CEP89: variants seen among roughly 807,000 people sequenced by gnomAD.
CEP89 encodes centrosomal protein of 89 kDa.
A neutral mutation model predicts 97.6 loss-of-function variants in CEP89; 95 were observed. The ratio of observed to expected loss-of-function variants is 0.97; its 90% confidence interval spans 0.82 to 1.15. The LOEUF is 1.15. CEP89 is among the 50% of genes most tolerant of loss of function. The pLI, the probability that CEP89 is intolerant of heterozygous loss-of-function variation, is 0.00. For synonymous variants in CEP89, 354 were observed against 349.1 expected (o/e 1.01, Z -0.16); for missense variants, 869 against 947.7 (o/e 0.92, Z 1.09).
At chr19:32,934,900 G>T (rs1372606538) in intron 7 of CEP89, among the ~76,000 whole-genome samples, 1 of 152,178 alleles carries the variant, frequency 6.6e-6, no homozygotes, top group African/African-American at 2.4e-5. Flanking sequence ...CTTGCTTGAG[G>T]CCAGGAGTTC....
intron 14 of CEP89, among the ~76,000 whole-genome samples, chr19:32,914,118 A>G (rs1385741363): frequency 6.6e-6 from 1 of 152,118 alleles, no homozygotes; most frequent in Non-Finnish European, 1.5e-5. Flanking sequence ...GACCAGCCTG[A>G]GCAACATTGT....
intron 14 of CEP89, among the ~76,000 whole-genome samples, chr19:32,908,166 C>T (rs934423412): frequency 2.6e-5 from 4 of 152,138 alleles, no homozygotes; most frequent in Non-Finnish European, 5.9e-5. Context: ...AAGTGACACA[C>T]GATTGTGTTT....
At position 32,879,208 on chromosome 19, in the gene CEP89, C is replaced by A; in HGVS notation, c.2306G>T (p.Cys769Phe). 1 of 1,614,084 alleles carries A rather than the reference C, an allele frequency of 6.2e-7. No individual in the cohort carries two copies. Among genetic ancestry groups the A allele is most frequent in the South Asian group, 1.1e-5 (1 of 91,056 alleles). The change falls in exon 19 of 19, where the codon TGC becomes TTC. Residue 769 changes from cysteine (C) to phenylalanine (F), a missense_variant. Transcript: ENST00000305768. ...GVSQADLLDG[C>F]DVCSYDLKSH... ...CTTCAGGTCATAGGAGCAGACATCG[C>A]AGCCGTCCAGCAGGTCTGCCTGAGA...
chr19:32,937,774 C>G, intron 6 of CEP89, 101 bp from the exon 7 acceptor site: 1 of 788,198 alleles, frequency 1.3e-6, no homozygotes, highest in Non-Finnish European at 2.2e-6. Flanking sequence ...TATAAGCATG[C>G]TTTATTTCCT....
intron 8 of CEP89, among the ~76,000 whole-genome samples, chr19:32,932,143 T>C (rs954537442): frequency 8.0e-5 from 12 of 149,672 alleles, no homozygotes; most frequent in African/African-American, 3.0e-4. Flanking sequence ...ATCACGCCAC[T>C]GCACTCCAGC....
intron 3 of CEP89, among the ~76,000 whole-genome samples, chr19:32,956,132 T>C (rs1181200801): frequency 2.1e-5 from 3 of 143,660 alleles, no homozygotes; most frequent in Non-Finnish European, 4.5e-5. Context: ...CTTGGCTCAC[T>C]GCAAGCTCCA....
intron 17 of CEP89, among the ~76,000 whole-genome samples, chr19:32,887,116 G>A (rs1281389742): frequency 2.0e-5 from 3 of 151,534 alleles, no homozygotes; most frequent in Admixed American, 6.6e-5. Flanking sequence ...CACTGAGCCC[G>A]GGAGTTCGAG....
intron 16 of CEP89, among the ~76,000 whole-genome samples, chr19:32,889,312 G>A (rs1425398094): frequency 6.6e-6 from 1 of 152,154 alleles, no homozygotes; most frequent in Non-Finnish European, 1.5e-5. Flanking sequence ...CAGCTCCCAT[G>A]CCTCTCCCTG....
Position 32,931,480 on chromosome 19 carries a change from A to G in CEP89, c.978T>C (p.Asn326=). 6.3e-7 allele frequency: 1 copy of G among 1,596,218 alleles called. No individual in the cohort carries two copies. Among genetic ancestry groups the G allele is most frequent in the Non-Finnish European group, 8.5e-7 (1 of 1,176,164 alleles). Residue 326 remains asparagine, a synonymous_variant, in exon 9 of 19, where the codon AAT becomes AAC. Transcript: ENST00000305768. ...DGLKMTVHRL[N]VELSRYQTKF... is the part of the protein sequence containing the mutation. ...TTGTCTGATATCGACTGAGTTCTAC[A>G]TTCAAACGATGGACAGTCATTTTCA...
intron 16 of CEP89, among the ~76,000 whole-genome samples, chr19:32,899,131 A>ATTTCCTTTTTTT (rs377046778): frequency 7.0e-6 from 1 of 143,214 alleles, no homozygotes; most frequent in Non-Finnish European, 1.5e-5. Flanking sequence ...TTTAATTAGC[A>ATTTCCTTTTTTT]TTTTTTTTTT....
Position 32,923,426 on chromosome 19 carries a change from C to T in CEP89, c.1268+13G>A, listed in dbSNP as rs758522218. On this transcript the variant is annotated intron_variant, in intron 12 of 18. Transcript: ENST00000305768. ...TTAAATTAGCAAAAGAGCAGAAACA[C>T]AATGCCACTTGCCATTCCTCACTGG... The T allele has an allele frequency of 2.9e-6, 4 of 1,394,688 alleles. No homozygotes were observed. Among genetic ancestry groups the T allele is most frequent in the Middle Eastern group, 1.8e-4 (1 of 5,552 alleles). The allele number at this position is 1,394,688 out of a possible 1,614,324, so 86.4% of individuals were successfully genotyped here.
chr19:32,876,533 CTGCTG>C lies in CEP89; in HGVS notation c.*2624_*2628del, dbSNP rs2145860196. The C allele has an allele frequency of 6.5e-6, 1 of 154,300 alleles. No homozygotes were observed. Among genetic ancestry groups the C allele is most frequent in the East Asian group, 1.9e-4 (1 of 5,246 alleles). The allele number at this position is 154,300 out of a possible 1,614,324, so 9.6% of individuals were successfully genotyped here. A position where few individuals can be genotyped will look rare whatever the true frequency, so the allele number is the denominator to read the frequency against. ...AACCCCCTCCTGCTGCTCTGAGTGCCTGCTGTGCTCCTGGGGGCCCTCTCCACCCT... is the reference window on the plus strand; with the variant it reads ...AACCCCCTCCTGCTGCTCTGAGTGCCTGCTCCTGGGGGCCCTCTCCACCCT... On this transcript the variant is annotated 3_prime_UTR_variant, in exon 19 of 19. Coordinates refer to ENST00000305768, the MANE Select transcript of CEP89 (RefSeq NM_032816.5).
chr19:32,914,244 T>G (rs1970073043), intron 14 of CEP89, among the ~76,000 whole-genome samples: 1 of 152,110 alleles, frequency 6.6e-6, no homozygotes, highest in Non-Finnish European at 1.5e-5. Context: ...TTTAACTAAT[T>G]CCTTATTACT....
chr19:32,926,081 G>T, intron 11 of CEP89, 109 bp downstream of exon 11: 3 of 775,982 alleles, frequency 3.9e-6, no homozygotes, highest in African/African-American at 1.7e-5. Context: ...TAAACATTTG[G>T]TTATCTATAA....
At chr19:32,883,781 A>C (rs1969336626) in intron 17 of CEP89, among the ~76,000 whole-genome samples, 2 of 152,182 alleles carry the variant, frequency 1.3e-5, no homozygotes, top group Admixed American at 1.3e-4. Flanking sequence ...TTTTATATAT[A>C]TGTAAATATA....
At chr19:32,912,819 G>C (rs1970029491) in intron 14 of CEP89, among the ~76,000 whole-genome samples, 1 of 151,542 alleles carries the variant, frequency 6.6e-6, no homozygotes, top group South Asian at 2.1e-4. Flanking sequence ...GAGGCGGGTG[G>C]ATCACGAGGT....
intron 6 of CEP89, among the ~76,000 whole-genome samples, chr19:32,938,545 G>T (rs1970622976): frequency 6.6e-6 from 1 of 152,132 alleles, no homozygotes; most frequent in Non-Finnish European, 1.5e-5. Flanking sequence ...AAGTAGACAA[G>T]GTTATAAATT....
At chr19:32,900,215 G>A (rs576827022) in intron 15 of CEP89, among the ~76,000 whole-genome samples, 3 of 151,288 alleles carry the variant, frequency 2.0e-5, no homozygotes, top group Admixed American at 6.6e-5. Context: ...TGAATAAGAG[G>A]AGTTGCAAAT....
rs1344998556 is a variant in CEP89 at position 32,918,286 on chromosome 19, A to G, written c.1322T>C (p.Leu441Pro). The change falls in exon 13 of 19, where the codon CTG (leucine) becomes CCG (proline). Residue 441 changes from leucine (L) to proline (P), a missense_variant. By Grantham distance (98) the Leu-to-Pro change is moderately conservative (BLOSUM62 -3). Coordinates refer to ENST00000305768, the MANE Select transcript of CEP89 (RefSeq NM_032816.5). ...CCTTTGCTGAATCTCCAACTGCTCCAGCAACAACTTGTTTTCCTCTAAAAC... is the reference window on the plus strand; with the variant it reads ...CCTTTGCTGAATCTCCAACTGCTCCGGCAACAACTTGTTTTCCTCTAAAAC... ...KLVLEENKLL[L>P]EQLEIQQRKA... 1 of 1,614,192 alleles carries G rather than the reference A, an allele frequency of 6.2e-7. No individual in the cohort carries two copies. The highest frequency in any genetic ancestry group is 1.1e-5 in the South Asian group (1 of 91,080).
Sources: gnomAD v4.1 joint callset for allele counts (sites outside exome capture counted in the v4.1 genomes callset) on GRCh38, gnomAD v4.1.1 for gene constraint, MANE v1.5 for transcripts, NCBI Gene and HGNC (gene_info 2026-07-23, HGNC 2026-07-21) for gene names.